Variants in CMIP observed in about 807,000 individuals in gnomAD.
The protein encoded by CMIP is c-Maf inducing protein, also known as C-Maf-inducing protein.
CMIP carries 13 observed loss-of-function variants against 97.3 expected under a neutral mutation model. The observed-to-expected ratio is 0.13, with a 90% CI of 0.09 to 0.21. The LOEUF (loss-of-function observed/expected upper bound fraction) is 0.21. CMIP is among the 10% of genes least tolerant of loss of function. The pLI, the probability that CMIP is intolerant of heterozygous loss-of-function variation, is 1.00. For missense variants in CMIP, 847 were observed against 1,024.9 expected, an observed-to-expected ratio of 0.83 and a Z score of 2.37; for synonymous variants, 538 against 436.3, an observed-to-expected ratio of 1.23 and a Z score of -2.91.
chr16:81,498,174 T>G (rs1034165453), intron 1 of CMIP, among the ~76,000 whole-genome samples: 1 of 152,238 alleles, frequency 6.6e-6, no homozygotes, highest in African/African-American at 2.4e-5. Context: ...ACCATAGAAC[T>G]CGGCTTCCTT....
At chr16:81,707,659 G>A (rs143734281) in intron 20 of CMIP, among the ~76,000 whole-genome samples, 1 of 152,240 alleles carries the variant, frequency 6.6e-6, no homozygotes, top group Non-Finnish European at 1.5e-5. Flanking sequence ...GTGAAATCCG[G>A]GAAAGAAAAA....
At chr16:81,618,690 A>T (rs1484879640) in intron 2 of CMIP, 2 of 152,186 alleles carry the variant, frequency 1.3e-5, no homozygotes, top group African/African-American at 4.8e-5. Flanking sequence ...CCAAAATGGG[A>T]TTGTTCACAA....
intron 1 of CMIP, among the ~76,000 whole-genome samples, chr16:81,451,228 T>G (rs997478009): frequency 2.6e-5 from 4 of 152,190 alleles, no homozygotes; most frequent in African/African-American, 9.7e-5. Flanking sequence ...TCCCCCATAC[T>G]GTTCTCTTGG....
chr16:81,554,128 G>T (rs2090715035), intron 1 of CMIP, among the ~76,000 whole-genome samples: 1 of 152,194 alleles, frequency 6.6e-6, no homozygotes, highest in Non-Finnish European at 1.5e-5. Flanking sequence ...TGTCTTCCTT[G>T]CCAAACTCAT....
At chr16:81,479,791 T>G (rs1908149320) in intron 1 of CMIP, among the ~76,000 whole-genome samples, 1 of 152,142 alleles carries the variant, frequency 6.6e-6, no homozygotes, top group Non-Finnish European at 1.5e-5. Context: ...TCACTCCTCT[T>G]TCCCCCTACC....
intron 1 of CMIP, among the ~76,000 whole-genome samples, chr16:81,504,082 T>A (rs1269479393): frequency 6.6e-6 from 1 of 152,214 alleles, no homozygotes; most frequent in Non-Finnish European, 1.5e-5. Context: ...TTCCAGCACT[T>A]GGGAAGGCCG....
intron 13 of CMIP, 183 bp from the exon 14 acceptor site, chr16:81,696,377 T>C: frequency 1.5e-6 from 1 of 651,040 alleles, no homozygotes; most frequent in South Asian, 1.8e-5. Context: ...GGCCACGGTA[T>C]TTCCCGAAAG....
chr16:81,664,254 C>T lies in CMIP; in HGVS notation c.745-15C>T. On this transcript the variant is annotated splice_polypyrimidine_tract_variant and intron_variant, in intron 6 of 20. Coordinates refer to ENST00000537098, the MANE Select transcript of CMIP (RefSeq NM_198390.3). ...TTCTTAGGGCCGCAGTAACTGTACC[C>T]CACTCTGTCCCCAGCACTGCAGAGA... 1.9e-6 allele frequency: 3 copies of T among 1,587,790 alleles called. No individual in the cohort carries two copies. Among genetic ancestry groups the T allele is most frequent in the Non-Finnish European group, 2.6e-6 (3 of 1,167,648 alleles).
intron 1 of CMIP, among the ~76,000 whole-genome samples, chr16:81,522,647 C>T: frequency 6.6e-6 from 1 of 152,174 alleles, no homozygotes; most frequent in South Asian, 2.1e-4. Context: ...AACAAGCAAA[C>T]AGGAAGCAAA....
intron 1 of CMIP, among the ~76,000 whole-genome samples, chr16:81,485,242 T>C (rs2089297247): frequency 6.6e-6 from 1 of 152,242 alleles, no homozygotes; most frequent in African/African-American, 2.4e-5. Flanking sequence ...CCTAGTATAA[T>C]ATGTTCTCCA....
At chr16:81,455,405 A>C (rs1906485040) in intron 1 of CMIP, among the ~76,000 whole-genome samples, 1 of 152,240 alleles carries the variant, frequency 6.6e-6, no homozygotes, top group Non-Finnish European at 1.5e-5. Context: ...GTTTGGATGA[A>C]TGAACAGCTT....
intron 1 of CMIP, chr16:81,476,563 T>G: frequency 1.8e-6 from 1 of 561,482 alleles, no homozygotes; most frequent in South Asian, 1.7e-5. Context: ...GTCTGCAGAG[T>G]GGCCATGTTT....
At chr16:81,677,025 T>C (rs1349832509) in intron 9 of CMIP, among the ~76,000 whole-genome samples, 1 of 152,210 alleles carries the variant, frequency 6.6e-6, no homozygotes, top group African/African-American at 2.4e-5. Flanking sequence ...TAAAAATTAC[T>C]CATGTCCAGG....
At chr16:81,509,270 T>G (rs2089767022) in intron 1 of CMIP, among the ~76,000 whole-genome samples, 1 of 152,132 alleles carries the variant, frequency 6.6e-6, no homozygotes, top group Non-Finnish European at 1.5e-5. Flanking sequence ...CAGAGAGATG[T>G]GGCATGGGCA....
At chr16:81,597,332 A>G (rs1041717454) in intron 1 of CMIP, among the ~76,000 whole-genome samples, 2 of 152,174 alleles carry the variant, frequency 1.3e-5, no homozygotes, top group African/African-American at 4.8e-5. Flanking sequence ...TGATGGTCTC[A>G]TACTCTGGTA....
At chr16:81,691,411 G>A (rs527247504) in intron 10 of CMIP, among the ~76,000 whole-genome samples, 1 of 152,270 alleles carries the variant, frequency 6.6e-6, no homozygotes, top group East Asian at 1.9e-4. Flanking sequence ...GTACTGGGGT[G>A]CAGAGCTTCA....
intron 19 of CMIP, 37 bp downstream of exon 19, chr16:81,705,641 G>T: frequency 1.5e-6 from 2 of 1,356,560 alleles, no homozygotes; most frequent in Non-Finnish European, 2.0e-6. Flanking sequence ...GTGAGGGGCC[G>T]CTTGATTCAT....
intron 1 of CMIP, among the ~76,000 whole-genome samples, chr16:81,574,548 T>C (rs549876417): frequency 1.3e-5 from 2 of 152,362 alleles, no homozygotes; most frequent in East Asian, 1.9e-4. Flanking sequence ...GCTTTACTAA[T>C]GGACAAATTG....
At chr16:81,478,345 C>T (rs577784454) in intron 1 of CMIP, among the ~76,000 whole-genome samples, 1 of 152,308 alleles carries the variant, frequency 6.6e-6, no homozygotes, top group East Asian at 1.9e-4. Context: ...GACAGTTCTG[C>T]ATGGCGCCAG....
Sources: gnomAD v4.1 joint callset for allele counts (sites outside exome capture counted in the v4.1 genomes callset) on GRCh38, gnomAD v4.1.1 for gene constraint, MANE v1.5 for transcripts, NCBI Gene and HGNC (gene_info 2026-07-23, HGNC 2026-07-21) for gene names.